ANKRD11: variants seen among roughly 807,000 people sequenced by gnomAD.
ANKRD11 encodes ankyrin repeat domain-containing protein 11.
Under a neutral mutation model 195.7 loss-of-function variants are expected in ANKRD11, and 17 were observed. The ratio of observed to expected loss-of-function variants is 0.09; its 90% CI spans 0.06 to 0.13. ANKRD11 has a LOEUF of 0.13. ANKRD11 is among the 10% of genes least tolerant of loss of function. The pLI is 1.00. For missense variants in ANKRD11, 3,735 were observed against 3,566.1 expected (o/e 1.05, Z -1.21); for synonymous variants, 1,953 against 1,528.1 (o/e 1.28, Z -6.49).
At chr16:89,440,997 G>C (rs1367303607) in intron 1 of ANKRD11, among the ~76,000 whole-genome samples, 1 of 152,178 alleles carries the variant, frequency 6.6e-6, no homozygotes, top group Admixed American at 6.5e-5. Flanking sequence ...CAGCACTTTG[G>C]GAGGCCGAGG....
At chr16:89,406,394 G>A (rs898910815) in intron 2 of ANKRD11, among the ~76,000 whole-genome samples, 2 of 152,188 alleles carry the variant, frequency 1.3e-5, no homozygotes, top group Non-Finnish European at 2.9e-5. Flanking sequence ...CAAAACACCA[G>A]CCGGCGCGCT....
rs547082483 is a variant in ANKRD11 at position 89,363,619 on chromosome 16, G to A, written c.-59-46541C>T. Among the ~76,000 whole-genome samples the A allele has an allele frequency of 3.9e-5, 6 of 152,134 alleles. No homozygotes were observed. The South Asian group carries it at 6.2e-4, about 16-fold the overall frequency. ...TCTTTGCATTCTGTCAAATTCAAAC[G>A]CACTCTGTGTGCCAAGCCTCACTCA... On this transcript the variant is annotated intron_variant, in intron 2 of 12. Coordinates refer to ENST00000301030, the MANE Select transcript of ANKRD11 (RefSeq NM_013275.6).
chr16:89,275,835 G>A (rs1411703347), intron 9 of ANKRD11, among the ~76,000 whole-genome samples: 3 of 152,216 alleles, frequency 2.0e-5, no homozygotes, highest in African/African-American at 4.8e-5. Context: ...AGGAAGTAAA[G>A]ACAGCCGAGA....
chr16:89,439,936 C>T (rs895554514), intron 1 of ANKRD11, among the ~76,000 whole-genome samples: 4 of 152,226 alleles, frequency 2.6e-5, no homozygotes, highest in Non-Finnish European at 5.9e-5. Flanking sequence ...TGCACACACC[C>T]ACAGCAGGAG....
chr16:89,374,559 C>T (rs1357436016), intron 2 of ANKRD11, among the ~76,000 whole-genome samples: 3 of 152,190 alleles, frequency 2.0e-5, no homozygotes, highest in Admixed American at 6.5e-5. Context: ...GTGTGAGCTA[C>T]ACTCTGTCCT....
At chr16:89,415,399 G>A (rs541872553) in intron 2 of ANKRD11, among the ~76,000 whole-genome samples, 2 of 150,198 alleles carry the variant, frequency 1.3e-5, no homozygotes, top group South Asian at 2.1e-4. Flanking sequence ...CGAGTAGCTG[G>A]GACTACAGGC....
chr16:89,446,557 T>TCATG (rs146465252), intron 1 of ANKRD11, among the ~76,000 whole-genome samples: 1,536 of 152,210 alleles, frequency 0.01, 22 homozygotes, highest in African/African-American at 0.035. Context: ...TGAGCTGTGA[T>TCATG]CATGCCACTG....
At chr16:89,389,391 T>C (rs1251553641) in intron 2 of ANKRD11, among the ~76,000 whole-genome samples, 2 of 151,956 alleles carry the variant, frequency 1.3e-5, no homozygotes, top group East Asian at 1.9e-4. Context: ...TTCCTGGGCA[T>C]GTAAATAAGA....
chr16:89,285,042 G>T lies in ANKRD11; in HGVS notation c.1500C>A (p.Gly500=), dbSNP rs2034549419. 2 of 1,613,964 alleles carry T rather than the reference G, an allele frequency of 1.2e-6. No homozygotes were observed. The highest frequency in any genetic ancestry group is 1.7e-6 in the Non-Finnish European group (2 of 1,180,026). The stretch of plus-strand genomic sequence containing the variant: ...GCACCAGCGGGGACCCCTTGAGGCA[G>T]CCAGAGCTCCCCAGAGAGTCCCTGT... ...EDDRDSLGSS[G]CLKGSPLVLK... is the part of the protein sequence containing the mutation. Residue 500 remains glycine (G), a synonymous_variant, in exon 9 of 13, where the codon GGC becomes GGA. Transcript: ENST00000301030. The surrounding 1 kb of genome is among the most constrained non-coding windows in gnomAD (Gnocchi z 5.6).
intron 1 of ANKRD11, among the ~76,000 whole-genome samples, chr16:89,485,972 T>TG (rs1455076079): frequency 2.6e-5 from 4 of 152,162 alleles, no homozygotes; most frequent in Non-Finnish European, 2.9e-5. Flanking sequence ...GAAATCTGAA[T>TG]AAAAACTGCT....
chr16:89,452,889 G>C (rs1030126683), intron 1 of ANKRD11, among the ~76,000 whole-genome samples: 2 of 151,158 alleles, frequency 1.3e-5, no homozygotes, highest in Non-Finnish European at 2.9e-5. Flanking sequence ...CTTCTTGAAA[G>C]AAACTGCACA....
intron 2 of ANKRD11, among the ~76,000 whole-genome samples, chr16:89,375,516 GT>G (rs2040385036): frequency 6.6e-6 from 1 of 151,828 alleles, no homozygotes; most frequent in Non-Finnish European, 1.5e-5. Context: ...CTGGAGTGCA[GT>G]GGCACGATCT....
chr16:89,380,590 A>AT (rs761659319), intron 2 of ANKRD11, among the ~76,000 whole-genome samples: 4 of 152,214 alleles, frequency 2.6e-5, no homozygotes, highest in Non-Finnish European at 5.9e-5. Context: ...TTGTGAAAGC[A>AT]TTTTTTGTGT....
In ANKRD11 at chr16:89,281,533, G is replaced by A. The variant is rs749167592; in HGVS notation, c.5009C>T (p.Pro1670Leu). ...IPPAAENKLH[P>L]ASGADSKDWL... ...GTCTTTGGAGTCTGCACCTGATGCT[G>A]GGTGTAGCTTATTTTCCGCGGCAGG... The change falls in exon 9 of 13, where the codon CCA becomes CTA. Residue 1670 changes from proline (P) to leucine (L), a missense_variant. Transcript: ENST00000301030. The surrounding 1 kb of genome is among the most constrained non-coding windows in gnomAD (Gnocchi z 5.5). 2.1e-5 allele frequency: 34 copies of A among 1,614,114 alleles called. No individual in the cohort carries two copies. Among genetic ancestry groups the A allele is most frequent in the Non-Finnish European group, 2.8e-5 (33 of 1,180,050 alleles).
chr16:89,385,931 G>C (rs2040889680), intron 2 of ANKRD11, among the ~76,000 whole-genome samples: 1 of 152,236 alleles, frequency 6.6e-6, no homozygotes, highest in Non-Finnish European at 1.5e-5. Flanking sequence ...TCACCACACG[G>C]ATGCCAAACT....
At position 89,291,318 on chromosome 16, in the gene ANKRD11, A is replaced by C. The variant is rs1242894732; in HGVS notation, c.227-135T>G. 3 of 1,147,258 alleles carry C rather than the reference A, an allele frequency of 2.6e-6. No individual in the cohort carries two copies. In the African/African-American group the frequency reaches 4.6e-5, roughly 18 times the overall value. 71.1% of individuals were successfully genotyped at this position (1,147,258 alleles called of 1,614,324 possible). A position where few individuals can be genotyped will look rare whatever the true frequency, so the allele number is the denominator to read the frequency against. On this transcript the variant is annotated intron_variant, in intron 4 of 12. Coordinates refer to ENST00000301030, the MANE Select transcript of ANKRD11 (RefSeq NM_013275.6). This position sits in a 1 kb window ranked among gnomAD's most constrained non-coding sequence, Gnocchi z 5.3. ...ACAGAGCAGAAAGGAAGGTCTGTGT[A>C]TGGGGAAAGCACAGCGGTGCTGGGA...
At chr16:89,345,250 C>G (rs1337414907) in intron 2 of ANKRD11, among the ~76,000 whole-genome samples, 1 of 140,064 alleles carries the variant, frequency 7.1e-6, no homozygotes, top group Non-Finnish European at 1.6e-5. Flanking sequence ...TACAAGCCCC[C>G]CCTCCCCACC....
chr16:89,361,313 C>T (rs913520431), intron 2 of ANKRD11, among the ~76,000 whole-genome samples: 1 of 152,202 alleles, frequency 6.6e-6, no homozygotes, highest in African/African-American at 2.4e-5. Flanking sequence ...ACACACAGAA[C>T]CATCACAGCG....
chr16:89,303,950 G>A (rs1187939861), intron 4 of ANKRD11, among the ~76,000 whole-genome samples: 4 of 152,180 alleles, frequency 2.6e-5, no homozygotes, highest in Non-Finnish European at 5.9e-5. Flanking sequence ...TTGTGCTATG[G>A]CTGCATTCAA....
Sources: allele counts gnomAD v4.1 joint callset (sites outside exome capture counted in the v4.1 genomes callset), GRCh38; gene constraint gnomAD v4.1.1; non-coding constraint Gnocchi (gnomAD v3.1); transcripts MANE v1.5; gene names NCBI Gene and HGNC (gene_info 2026-07-23, HGNC 2026-07-21).